Variants in CENPP observed in about 807,000 individuals in gnomAD.
The protein encoded by CENPP is centromere protein P.
A neutral mutation model predicts 35.6 loss-of-function variants in CENPP; 24 were observed. That is an observed-to-expected ratio of 0.67 (90% CI 0.49 to 0.95). CENPP has a LOEUF of 0.95. CENPP is among the 40% of genes least tolerant of loss of function. The pLI, the probability that CENPP is intolerant of heterozygous loss-of-function variation, is 0.00. For missense variants in CENPP, 332 were observed against 345.3 expected, an observed-to-expected ratio of 0.96 and a Z score of 0.31; for synonymous variants, 120 against 125.5, an observed-to-expected ratio of 0.96 and a Z score of 0.29.
intron 5 of CENPP, among the ~76,000 whole-genome samples, chr9:92,394,533 G>A (rs1202197222): frequency 6.6e-6 from 1 of 151,436 alleles, no homozygotes; most frequent in African/African-American, 2.4e-5. Context: ...TTACAGACGT[G>A]AGCCATCACA....
At chr9:92,545,643 G>A (rs907899516) in intron 5 of CENPP, among the ~76,000 whole-genome samples, 6 of 152,212 alleles carry the variant, frequency 3.9e-5, no homozygotes, top group African/African-American at 1.4e-4. Flanking sequence ...CACAGGGCGC[G>A]GGACTGGCAG....
At chr9:92,568,257 C>T (rs897320227) in intron 5 of CENPP, among the ~76,000 whole-genome samples, 1 of 151,998 alleles carries the variant, frequency 6.6e-6, no homozygotes, top group Non-Finnish European at 1.5e-5. Context: ...CACAACAGGC[C>T]CCAGTGTGTG....
At chr9:92,393,129 G>T (rs1436212514) in intron 5 of CENPP, 1 of 1,613,620 alleles carries the variant, frequency 6.2e-7, no homozygotes, top group South Asian at 1.1e-5. Context: ...TAATTTTGTT[G>T]AATCGTGCGT....
intron 5 of CENPP, among the ~76,000 whole-genome samples, chr9:92,443,142 T>C (rs1354201780): frequency 6.6e-6 from 1 of 152,178 alleles, no homozygotes; most frequent in Non-Finnish European, 1.5e-5. Flanking sequence ...ACAGTAGACA[T>C]AATTATATTT....
intron 5 of CENPP, among the ~76,000 whole-genome samples, chr9:92,598,022 G>A (rs1850822700): frequency 6.6e-6 from 1 of 152,170 alleles, no homozygotes; most frequent in Non-Finnish European, 1.5e-5. Flanking sequence ...TCATTTTTAG[G>A]ATTCCCATAT....
rs1278891554 is a variant in CENPP, at chr9:92,368,956, G to T, written c.468-10807G>T. ...CTGCTCAGGAGACTGACATGGGAGGGTCTCTTGAGCTCAGGAGCTCCAGGT... is the reference window on the plus strand; with the variant it reads ...CTGCTCAGGAGACTGACATGGGAGGTTCTCTTGAGCTCAGGAGCTCCAGGT... On this transcript the variant is annotated intron_variant, in intron 4 of 7. Transcript: ENST00000375587. 2.0e-5 allele frequency among the ~76,000 whole-genome samples: 3 copies of T among 152,164 alleles called. No individual in the cohort carries two copies. The East Asian group carries it at 5.8e-4, about 29-fold the overall frequency.
intron 5 of CENPP, among the ~76,000 whole-genome samples, chr9:92,567,187 G>C (rs2131348200): frequency 6.6e-6 from 1 of 152,000 alleles, no homozygotes; most frequent in South Asian, 2.1e-4. Flanking sequence ...ACCATAGACA[G>C]CAACTCAAAA....
intron 5 of CENPP, among the ~76,000 whole-genome samples, chr9:92,420,566 G>A (rs1419139389): frequency 6.6e-6 from 1 of 152,018 alleles, no homozygotes; most frequent in Non-Finnish European, 1.5e-5. Flanking sequence ...TCTCTTCTAC[G>A]CTACTGTTTT....
intron 5 of CENPP, among the ~76,000 whole-genome samples, chr9:92,429,250 C>G (rs1034253310): frequency 4.4e-4 from 67 of 152,182 alleles, no homozygotes; most frequent in Non-Finnish European, 1.8e-4. Context: ...ACAATGGCCT[C>G]TGTACCAATT....
intron 5 of CENPP, among the ~76,000 whole-genome samples, chr9:92,431,885 T>C (rs1476943369): frequency 6.6e-6 from 1 of 152,204 alleles, no homozygotes; most frequent in African/African-American, 2.4e-5. Context: ...TACTCATTTT[T>C]CTATTATGTA....
chr9:92,485,644 G>T (rs1486320258), intron 5 of CENPP, among the ~76,000 whole-genome samples: 2 of 152,184 alleles, frequency 1.3e-5, no homozygotes, highest in Non-Finnish European at 2.9e-5. Context: ...ACACAAATAA[G>T]AACAGGGGAG....
At chr9:92,407,578 A>G (rs1461973177) in intron 5 of CENPP, among the ~76,000 whole-genome samples, 1 of 152,200 alleles carries the variant, frequency 6.6e-6, no homozygotes, top group Non-Finnish European at 1.5e-5. Flanking sequence ...AAGAGCAGGC[A>G]TTGTATCCAA....
At chr9:92,394,683 C>T (rs1315652853) in intron 5 of CENPP, among the ~76,000 whole-genome samples, 2 of 151,944 alleles carry the variant, frequency 1.3e-5, no homozygotes, top group East Asian at 3.9e-4. Flanking sequence ...CGGCTCACTG[C>T]AGTCTCCGCC....
intron 5 of CENPP, among the ~76,000 whole-genome samples, chr9:92,405,456 C>G (rs1222860978): frequency 6.6e-6 from 1 of 151,894 alleles, no homozygotes; most frequent in Non-Finnish European, 1.5e-5. Context: ...GTTTTAGAAC[C>G]TTTCAAATCA....
At chr9:92,326,927 A>C (rs1305120667) in intron 1 of CENPP, among the ~76,000 whole-genome samples, 1 of 151,978 alleles carries the variant, frequency 6.6e-6, no homozygotes, top group African/African-American at 2.4e-5. Context: ...GAAAATGGGA[A>C]GGAGGAGATC....
intron 5 of CENPP, among the ~76,000 whole-genome samples, chr9:92,397,993 C>A (rs1842960460): frequency 6.6e-6 from 1 of 152,168 alleles, no homozygotes; most frequent in Non-Finnish European, 1.5e-5. Flanking sequence ...AGCCTTCCAC[C>A]TTTCCGTATT....
At chr9:92,530,967 C>T (rs1044634881) in intron 5 of CENPP, among the ~76,000 whole-genome samples, 5 of 152,002 alleles carry the variant, frequency 3.3e-5, no homozygotes, top group African/African-American at 1.2e-4. Context: ...CATGTAATTG[C>T]TTTCTTTTGA....
At chr9:92,607,201 G>T (rs868500758) in intron 5 of CENPP, among the ~76,000 whole-genome samples, 19 of 142,100 alleles carry the variant, frequency 1.3e-4, no homozygotes, top group South Asian at 1.3e-3. Flanking sequence ...ATTGAAGTTT[G>T]TTTTTTTTAT....
chr9:92,470,716 T>C, intron 5 of CENPP: 1 of 1,598,546 alleles, frequency 6.3e-7, no homozygotes, highest in Non-Finnish European at 8.5e-7. Context: ...ATTTCCTTAA[T>C]TTTATTGTTT....
Sources: gnomAD v4.1 joint callset for allele counts (sites outside exome capture counted in the v4.1 genomes callset) on GRCh38, gnomAD v4.1.1 for gene constraint, MANE v1.5 for transcripts, NCBI Gene and HGNC (gene_info 2026-07-23, HGNC 2026-07-21) for gene names.